Variants in COL6A3 observed in about 807,000 individuals in gnomAD.
COL6A3 encodes the protein collagen alpha-3(VI) chain.
A neutral mutation model predicts 274.1 loss-of-function variants in COL6A3; 137 were observed. The observed-to-expected ratio is 0.50, with a 90% confidence interval of 0.44 to 0.58. The LOEUF (loss-of-function observed/expected upper bound fraction) is 0.58, where lower values mean the gene tolerates loss of function less well. Ranked by LOEUF, COL6A3 falls within the 20% of genes least tolerant of loss-of-function variation. The pLI is 0.00. For synonymous variants in COL6A3, 1,650 were observed against 1,650.6 expected (o/e 1.00, Z 0.01); for missense variants, 3,950 against 4,124.9 (o/e 0.96, Z 1.16).
intron 1 of COL6A3, among the ~76,000 whole-genome samples, chr2:237,401,645 A>G (rs1051475848): frequency 5.3e-5 from 8 of 152,040 alleles, no homozygotes; most frequent in African/African-American, 1.9e-4. Flanking sequence ...CTATTCCTAC[A>G]GTTCTCCTAG....
chr2:237,369,449 T>C (rs1049897980), intron 9 of COL6A3, among the ~76,000 whole-genome samples: 1 of 152,256 alleles, frequency 6.6e-6, no homozygotes, highest in African/African-American at 2.4e-5. Flanking sequence ...TCTGGGTTAC[T>C]ACTGATTTCT....
At chr2:237,339,923 G>T (rs1318951606) in intron 38 of COL6A3, among the ~76,000 whole-genome samples, 1 of 152,206 alleles carries the variant, frequency 6.6e-6, no homozygotes, top group Non-Finnish European at 1.5e-5. Flanking sequence ...CATTGGAATT[G>T]AACTTTGAAG....
At chr2:237,362,663 A>G (rs1415374339) in intron 14 of COL6A3, among the ~76,000 whole-genome samples, 1 of 152,140 alleles carries the variant, frequency 6.6e-6, no homozygotes, top group African/African-American at 2.4e-5. Context: ...TGCTACCATC[A>G]AAGAATCTCT....
At chr2:237,365,286 C>T (rs73998892) in intron 12 of COL6A3, among the ~76,000 whole-genome samples, 10,169 of 151,550 alleles carry the variant, frequency 0.067, 1,097 homozygotes, top group African/African-American at 0.22. Context: ...TCCAAAAGCC[C>T]GCCAGGCTGT....
intron 6 of COL6A3, 66 bp from the exon 7 acceptor site, chr2:237,377,410 G>C: frequency 6.7e-7 from 1 of 1,498,066 alleles, no homozygotes; most frequent in Non-Finnish European, 9.2e-7. Flanking sequence ...AGCGACTTCA[G>C]CCCAGCACCA....
At chr2:237,333,985 T>C (rs1264744797) in intron 41 of COL6A3, among the ~76,000 whole-genome samples, 1 of 150,832 alleles carries the variant, frequency 6.6e-6, no homozygotes, top group East Asian at 1.9e-4. Flanking sequence ...GCAGTGGGGG[T>C]CAAGAAGAAT....
Position 237,377,748 on chromosome 2 carries a change from G to GA in COL6A3, c.2498-405dup, listed in dbSNP as rs150449423. Among the ~76,000 whole-genome samples the GA allele has an allele frequency of 3.7e-3, 557 of 151,008 alleles. 4 individuals are homozygous for GA. Among genetic ancestry groups the GA allele is most frequent in the African/African-American group, 0.013 (524 of 41,172 alleles). ...TTAAAAAAATTGATCTCAATCTCTA[G>GA]AAAAAAAAAGGGGGGGCTGATATGG... On this transcript the variant is annotated intron_variant, in intron 6 of 43. Transcript: ENST00000295550.
At position 237,334,504 on chromosome 2, in the gene COL6A3, G is replaced by A. The variant is rs1700428450; in HGVS notation, c.9229+122C>T. On this transcript the variant is annotated intron_variant, in intron 41 of 43. Transcript: ENST00000295550. ...GCTGAGTTGTTTTGTTGTTGTTGCTGTTGTTGTTTTTTGAATTTGTGGTTA... is the reference window on the plus strand; with the variant it reads ...GCTGAGTTGTTTTGTTGTTGTTGCTATTGTTGTTTTTTGAATTTGTGGTTA... 3.6e-6 allele frequency: 4 copies of A among 1,102,476 alleles called. No homozygotes were observed. In the East Asian group the frequency reaches 1.0e-4, roughly 28 times the overall value. 68.3% of individuals were successfully genotyped at this position (1,102,476 alleles called of 1,614,324 possible). A position where few individuals can be genotyped will look rare whatever the true frequency, so the allele number is the denominator to read the frequency against.
chr2:237,345,206 T>C lies in COL6A3; in HGVS notation c.7100A>G (p.Lys2367Arg), dbSNP rs1159222091. 1.2e-6 allele frequency: 2 copies of C among 1,614,122 alleles called. No individual in the cohort carries two copies. Among genetic ancestry groups the C allele is most frequent in the African/African-American group, 1.3e-5 (1 of 75,032 alleles). ...ATCGATGGAGTCGCCCCTGTTGCCC[T>C]TGGGACCCTGTAAAACCAAGGAACG... ...DPGYPGPAGP[K>R]GNRGDSIDQC... Residue 2367 changes from lysine to arginine, a missense_variant, in exon 33 of 44, where the codon AAG becomes AGG. By Grantham distance (26) the Lys-to-Arg change is conservative. Around this residue, in one of 5 missense-constraint regions of COL6A3, gnomAD observed 1,284 missense variants for 1,349.7 expected, o/e 0.95. Transcript: ENST00000295550.
intron 5 of COL6A3, among the ~76,000 whole-genome samples, chr2:237,379,778 T>C (rs1452803855): frequency 6.6e-6 from 1 of 152,176 alleles, no homozygotes; most frequent in Non-Finnish European, 1.5e-5. Context: ...GACTTCCCCG[T>C]TTGTCATTCT....
intron 42 of COL6A3, among the ~76,000 whole-genome samples, chr2:237,332,705 TA>T (rs2106309509): frequency 6.6e-6 from 1 of 152,352 alleles, no homozygotes; most frequent in African/African-American, 2.4e-5. Context: ...TTCCATTTTT[TA>T]TGTTAGTACC....
Position 237,360,103 on chromosome 2 carries a change from G to T in COL6A3, c.6267C>A (p.Gly2089=), listed in dbSNP as rs747784558. The T allele has an allele frequency of 6.2e-7, 1 of 1,614,018 alleles. No individual in the cohort carries two copies. Among genetic ancestry groups the T allele is most frequent in the Admixed American group, 1.7e-5 (1 of 60,014 alleles). Residue 2089 remains glycine (G), a synonymous_variant, in exon 17 of 44, where the codon GGC becomes GGA. Coordinates refer to ENST00000295550, the MANE Select transcript of COL6A3 (RefSeq NM_004369.4). ...NGTQGFQGCP[G]QRGVKGSRGF... ...CACGCCTCACCTTTACTCCTCTCTG[G>T]CCCGGGCAGCCCTGGAAACCTTGAG...
At position 237,364,378 on chromosome 2, in the gene COL6A3, G is replaced by A; in HGVS notation, c.5889C>T (p.His1963=). Residue 1963 remains histidine (H), a synonymous_variant, in exon 13 of 44, where the codon CAC becomes CAT. Coordinates refer to ENST00000295550, the MANE Select transcript of COL6A3 (RefSeq NM_004369.4). The surrounding 1 kb of genome is among the most constrained non-coding windows in gnomAD (Gnocchi z 4.6). ...CTTGGCGGAGGTTCTCAGATGCTCT[G>A]TGTAAATCAGCCAGATCTCCGTCTG... ...DGADGDLADL[H]RASENLRQEG... 6.2e-7 allele frequency: 1 copy of A among 1,614,070 alleles called. No homozygotes were observed. Among genetic ancestry groups the A allele is most frequent in the Non-Finnish European group, 8.5e-7 (1 of 1,179,962 alleles).
chr2:237,405,625 G>T (rs2078700791), intron 1 of COL6A3, among the ~76,000 whole-genome samples: 1 of 152,036 alleles, frequency 6.6e-6, no homozygotes, highest in Admixed American at 6.5e-5. Context: ...TTTTATAGCT[G>T]AGAAATTGAA....
Position 237,357,949 on chromosome 2 carries a change from T to C in COL6A3, c.6472-67A>G, listed in dbSNP as rs937411646. 6.2e-6 allele frequency: 9 copies of C among 1,444,918 alleles called. No homozygotes were observed. In the Admixed American group the frequency reaches 1.3e-4, roughly 21 times the overall value. The allele number at this position is 1,444,918 out of a possible 1,614,324, so 89.5% of individuals were successfully genotyped here. A position where few individuals can be genotyped will look rare whatever the true frequency, so the allele number is the denominator to read the frequency against. ...GGAAAGCAGCTGCCACTGGACTGGA[T>C]GGTCAGGGAAATATTAGCAAGGACC... On this transcript the variant is annotated intron_variant, in intron 21 of 43. Transcript: ENST00000295550.
At position 237,334,681 on chromosome 2, in the gene COL6A3, C is replaced by T. The variant is rs1700439475; in HGVS notation, c.9174G>A (p.Val3058=). Residue 3058 remains valine (V), a synonymous_variant, in exon 41 of 44, where the codon GTG becomes GTA. Transcript: ENST00000295550. The stretch of plus-strand genomic sequence containing the variant: ...TGACCTGAGACCTCAGGTAGCAGAC[C>T]ACAGCCACATGGTATGTCTGCCCAG... The part of the protein sequence containing the change: ...LLAGQTYHVA[V]VCYLRSQVRA... 3 of 1,613,806 alleles carry T rather than the reference C, an allele frequency of 1.9e-6. No individual in the cohort carries two copies.
chr2:237,347,797 G>C lies in COL6A3; in HGVS notation c.7029+10C>G. 6.2e-7 allele frequency: 1 copy of C among 1,607,732 alleles called. No homozygotes were observed. Among genetic ancestry groups the C allele is most frequent in the Non-Finnish European group, 8.5e-7 (1 of 1,176,774 alleles). ...TTCCTCACCTGCAGCCAAGGCCCAC[G>C]CAAACTTACCCTTCGGCCTCTGATG... On this transcript the variant is annotated intron_variant, in intron 31 of 43. Transcript: ENST00000295550.
rs115580392 is a variant in COL6A3 at position 237,332,781 on chromosome 2, G to A, written c.9328+669C>T. Among the ~76,000 whole-genome samples the A allele has an allele frequency of 2.9e-3, 447 of 152,192 alleles. 4 individuals are homozygous for A. The highest frequency in any genetic ancestry group is 0.01 in the African/African-American group (418 of 41,482). On this transcript the variant is annotated intron_variant, in intron 42 of 43. Transcript: ENST00000295550. ...CTATTTTAATAATCAGTTTCTCACC[G>A]ATGAACAAGCCAAGTCCACATTCTG...
intron 1 of COL6A3, among the ~76,000 whole-genome samples, chr2:237,403,799 T>G (rs925004579): frequency 6.6e-6 from 1 of 151,758 alleles, no homozygotes; most frequent in Non-Finnish European, 1.5e-5. Flanking sequence ...TTCTCCTCCC[T>G]CCACTTAGGT....
Sources: gnomAD v4.1 joint callset for allele counts (sites outside exome capture counted in the v4.1 genomes callset) on GRCh38, gnomAD v4.1.1 for gene constraint, gnomAD v4.1.1 regional missense constraint, Gnocchi (gnomAD v3.1) non-coding constraint, MANE v1.5 for transcripts, NCBI Gene and HGNC (gene_info 2026-07-23, HGNC 2026-07-21) for gene names.